CSMD1: variants seen among roughly 807,000 people sequenced by gnomAD.
CSMD1 encodes the protein CUB and Sushi multiple domains 1.
Under a neutral mutation model 417.5 loss-of-function variants are expected in CSMD1, and 213 were observed. The observed-to-expected ratio is 0.51, with a 90% CI of 0.46 to 0.57. The LOEUF (loss-of-function observed/expected upper bound fraction) is 0.57, where lower values mean the gene tolerates loss of function less well. Among genes scored for constraint, CSMD1 ranks in the 20% least tolerant of loss-of-function variants. CSMD1 has a pLI of 0.00. For missense variants in CSMD1, 6,923 were observed against 4,529.7 expected, an observed-to-expected ratio of 1.53 and a Z score of -15.17; for synonymous variants, 2,862 against 1,736.8, an observed-to-expected ratio of 1.65 and a Z score of -16.11.
chr8:4,408,384 G>T (rs762266564), intron 3 of CSMD1, among the ~76,000 whole-genome samples: 1 of 152,198 alleles, frequency 6.6e-6, no homozygotes, highest in Non-Finnish European at 1.5e-5. Flanking sequence ...CAAAAAAGAG[G>T]CATTTTACCC....
At chr8:3,898,657 G>C (rs997801472) in intron 5 of CSMD1, among the ~76,000 whole-genome samples, 1 of 152,168 alleles carries the variant, frequency 6.6e-6, no homozygotes, top group African/African-American at 2.4e-5. Flanking sequence ...TCCACATGCA[G>C]ACCTGGTATT....
intron 2 of CSMD1, among the ~76,000 whole-genome samples, chr8:4,451,434 G>T (rs943482991): frequency 2.6e-5 from 4 of 152,092 alleles, no homozygotes; most frequent in African/African-American, 9.7e-5. Context: ...TGAAAAAGTG[G>T]TCAGAAAAGC....
chr8:3,910,833 T>C (rs932808454), intron 5 of CSMD1, among the ~76,000 whole-genome samples: 1 of 152,138 alleles, frequency 6.6e-6, no homozygotes, highest in Non-Finnish European at 1.5e-5. Context: ...ACAGGCCAAA[T>C]CTCTATCTTA....
intron 7 of CSMD1, among the ~76,000 whole-genome samples, chr8:3,704,164 A>G (rs1217831871): frequency 6.6e-6 from 1 of 152,180 alleles, no homozygotes; most frequent in African/African-American, 2.4e-5. Flanking sequence ...AGTCAGTTAG[A>G]CAGTGAAGGC....
chr8:4,858,145 C>A lies in CSMD1; in HGVS notation c.85+136187G>T, dbSNP rs886151725. Among the ~76,000 whole-genome samples the A allele has an allele frequency of 9.2e-4, 138 of 150,236 alleles. 1 individual carries two copies. The highest frequency in any genetic ancestry group is 1.7e-3 in the Non-Finnish European group (116 of 67,132). On this transcript the variant is annotated intron_variant, in intron 1 of 69. Transcript: ENST00000635120. ...CAATAAATGTAATCCAGCATATAAA[C>A]AGAGCCAAAGACAAAAACCACATGA...
intron 3 of CSMD1, among the ~76,000 whole-genome samples, chr8:4,106,159 A>G (rs1318854984): frequency 6.6e-6 from 1 of 152,146 alleles, no homozygotes; most frequent in Non-Finnish European, 1.5e-5. Context: ...TCTGGTGAGT[A>G]CAGACCAGCG....
At chr8:3,030,533 G>C (rs1395887892) in intron 50 of CSMD1, among the ~76,000 whole-genome samples, 1 of 152,022 alleles carries the variant, frequency 6.6e-6, no homozygotes, top group East Asian at 1.9e-4. Flanking sequence ...CTGGAGGGCA[G>C]TGGCATGATC....
intron 2 of CSMD1, among the ~76,000 whole-genome samples, chr8:4,470,270 T>C (rs767100461): frequency 6.0e-4 from 92 of 152,276 alleles, no homozygotes; most frequent in Non-Finnish European, 1.0e-3. Flanking sequence ...TCCTCCTCTA[T>C]CCCGAGCCTT....
intron 55 of CSMD1, among the ~76,000 whole-genome samples, chr8:2,976,928 C>T (rs1022920048): frequency 1.3e-5 from 2 of 151,446 alleles, no homozygotes; most frequent in African/African-American, 4.9e-5. Flanking sequence ...GTAAGAGGGG[C>T]CATAAGGATC....
At chr8:3,475,522 A>C (rs1214539838) in intron 11 of CSMD1, among the ~76,000 whole-genome samples, 12 of 152,208 alleles carry the variant, frequency 7.9e-5, no homozygotes, top group Non-Finnish European at 1.8e-4. Context: ...TCTGTCATTA[A>C]TTCACGTGTG....
intron 5 of CSMD1, among the ~76,000 whole-genome samples, chr8:3,802,457 G>C (rs190167428): frequency 6.6e-6 from 1 of 152,030 alleles, no homozygotes. Context: ...AAATTTGTCA[G>C]CCTGATACAT....
intron 25 of CSMD1, among the ~76,000 whole-genome samples, chr8:3,294,394 C>T (rs1803807207): frequency 1.3e-5 from 2 of 152,174 alleles, no homozygotes; most frequent in South Asian, 2.1e-4. Flanking sequence ...CTGCTGCCTT[C>T]TGTTGGTCTG....
chr8:4,214,743 A>G lies in CSMD1; in HGVS notation c.416-182644T>C, dbSNP rs565468366. On this transcript the variant is annotated intron_variant, in intron 3 of 69. Transcript: ENST00000635120. Reference sequence around the variant, plus strand: ...TCATCACAGAGAACTACATATTCCCATATTTGACATATTTCCTCTAAATGC... The same window carrying G: ...TCATCACAGAGAACTACATATTCCCGTATTTGACATATTTCCTCTAAATGC... Among the ~76,000 whole-genome samples the G allele has an allele frequency of 1.2e-4, 19 of 152,298 alleles. 1 individual carries two copies. Among genetic ancestry groups the G allele is most frequent in the African/African-American group, 4.1e-4 (17 of 41,566 alleles).
At position 3,762,311 on chromosome 8, in the gene CSMD1, C is replaced by CGT. The variant is rs201278757; in HGVS notation, c.819-8271_819-8270dup. Among the ~76,000 whole-genome samples, 5 of 152,108 alleles carry CGT rather than the reference C, an allele frequency of 3.3e-5. No homozygotes were observed. In the East Asian group the frequency reaches 9.7e-4, roughly 29 times the overall value. On this transcript the variant is annotated intron_variant, in intron 5 of 69. Coordinates refer to ENST00000635120, the MANE Select transcript of CSMD1 (RefSeq NM_033225.6). ...CCCACCTACTCTGCACCTGCCTGGTCGTTTCTGGCTCTCCTTTAAATTTCA... is the reference window on the plus strand; with the variant it reads ...CCCACCTACTCTGCACCTGCCTGGTCGTGTTTCTGGCTCTCCTTTAAATTTCA...
At chr8:3,213,819 T>G (rs1213450935) in intron 30 of CSMD1, among the ~76,000 whole-genome samples, 1 of 149,336 alleles carries the variant, frequency 6.7e-6, no homozygotes, top group East Asian at 2.0e-4. Flanking sequence ...TATATATATA[T>G]GTGTGTCTGT....
At chr8:4,566,492 A>G (rs1425048849) in intron 2 of CSMD1, among the ~76,000 whole-genome samples, 1 of 150,964 alleles carries the variant, frequency 6.6e-6, no homozygotes, top group Non-Finnish European at 1.5e-5. Context: ...TCTCTACTAA[A>G]AATACAAAAA....
chr8:4,766,627 A>G (rs544196672), intron 1 of CSMD1, among the ~76,000 whole-genome samples: 1 of 152,206 alleles, frequency 6.6e-6, no homozygotes. Flanking sequence ...AAAGCAACAA[A>G]ATCAATTAAT....
chr8:3,257,887 C>T (rs188414969), intron 26 of CSMD1, among the ~76,000 whole-genome samples: 3 of 152,118 alleles, frequency 2.0e-5, no homozygotes, highest in Admixed American at 2.0e-4. Context: ...TTGCTGGGTT[C>T]TGAAAATGTT....
chr8:4,084,303 A>G (rs939326802), intron 3 of CSMD1, among the ~76,000 whole-genome samples: 1 of 147,816 alleles, frequency 6.8e-6, no homozygotes, highest in Non-Finnish European at 1.5e-5. Flanking sequence ...TTATGAAAAA[A>G]GTGACAAAAA....
Sources: gnomAD v4.1 joint callset for allele counts (sites outside exome capture counted in the v4.1 genomes callset) on GRCh38, gnomAD v4.1.1 for gene constraint, MANE v1.5 for transcripts, NCBI Gene and HGNC (gene_info 2026-07-23, HGNC 2026-07-21) for gene names.